Variants in KCNMB2 observed in about 807,000 individuals in gnomAD.
The protein encoded by KCNMB2 is potassium calcium-activated channel subfamily M regulatory beta subunit 2.
Under a neutral mutation model 24.5 loss-of-function variants are expected in KCNMB2, and 9 were observed. That is an observed-to-expected ratio of 0.37 (90% CI 0.22 to 0.64). The LOEUF (loss-of-function observed/expected upper bound fraction) is 0.64. Ranked by LOEUF, KCNMB2 falls within the 30% of genes least tolerant of loss-of-function variation. KCNMB2 has a pLI of 0.63. For synonymous variants in KCNMB2, 109 were observed against 104.4 expected, an observed-to-expected ratio of 1.04 and a Z score of -0.27; for missense variants, 226 against 284.3, an observed-to-expected ratio of 0.79 and a Z score of 1.47.
At chr3:178,713,509 C>T (rs1722519320) in intron 1 of KCNMB2, among the ~76,000 whole-genome samples, 1 of 152,210 alleles carries the variant, frequency 6.6e-6, no homozygotes, top group Non-Finnish European at 1.5e-5. Flanking sequence ...TAGATCTGGT[C>T]CAACAAATCT....
chr3:178,672,122 G>A (rs1720920713), intron 1 of KCNMB2, among the ~76,000 whole-genome samples: 1 of 152,116 alleles, frequency 6.6e-6, no homozygotes, highest in African/African-American at 2.4e-5. Flanking sequence ...GTGGAAGTCT[G>A]GCACCCTGGA....
rs111311634 is a variant in KCNMB2 at position 178,580,921 on chromosome 3, T to C, written c.-68+44210T>C. Among the ~76,000 whole-genome samples, 436 of 152,244 alleles carry C rather than the reference T, an allele frequency of 2.9e-3. 1 individual carries two copies. The highest frequency in any genetic ancestry group is 9.7e-3 in the African/African-American group (404 of 41,532). On this transcript the variant is annotated intron_variant, in intron 1 of 4. Coordinates refer to ENST00000452583, the MANE Select transcript of KCNMB2 (RefSeq NM_181361.3). ...TGCTCATGGATAGGAAGAATCAATA[T>C]AGTTAAAATGGCCATAATGCCCAAA...
At chr3:178,665,916 G>A (rs1309736541) in intron 1 of KCNMB2, among the ~76,000 whole-genome samples, 1 of 152,168 alleles carries the variant, frequency 6.6e-6, no homozygotes, top group East Asian at 1.9e-4. Flanking sequence ...CCTGCCAAGT[G>A]GGGTTGTCCA....
At chr3:178,560,648 T>C (rs190687496) in intron 1 of KCNMB2, among the ~76,000 whole-genome samples, 1 of 152,380 alleles carries the variant, frequency 6.6e-6, no homozygotes, top group East Asian at 1.9e-4. Flanking sequence ...GGCTTTGCTC[T>C]ACACTGTTCT....
intron 1 of KCNMB2, among the ~76,000 whole-genome samples, chr3:178,597,362 G>C (rs1373446834): frequency 6.6e-6 from 1 of 152,042 alleles, no homozygotes; most frequent in African/African-American, 2.4e-5. Flanking sequence ...GTTTATTTCG[G>C]ATATCATCAT....
At chr3:178,768,886 C>T (rs1216285956) in intron 1 of KCNMB2, among the ~76,000 whole-genome samples, 2 of 152,216 alleles carry the variant, frequency 1.3e-5, no homozygotes, top group Admixed American at 1.3e-4. Context: ...CTAATTTTCA[C>T]ATTTTTCCTT....
chr3:178,652,708 G>A (rs1393589161), intron 1 of KCNMB2, among the ~76,000 whole-genome samples: 1 of 148,032 alleles, frequency 6.8e-6, no homozygotes, highest in East Asian at 2.0e-4. Context: ...TGTCGCCCAG[G>A]CTGGAGTGCA....
At chr3:178,604,116 C>T (rs548683212) in intron 1 of KCNMB2, among the ~76,000 whole-genome samples, 2 of 152,220 alleles carry the variant, frequency 1.3e-5, no homozygotes, top group African/African-American at 2.4e-5. Flanking sequence ...GTCCTCATTC[C>T]CTGCCCACCT....
intron 1 of KCNMB2, among the ~76,000 whole-genome samples, chr3:178,695,636 C>T (rs1328698207): frequency 6.6e-6 from 1 of 152,200 alleles, no homozygotes; most frequent in Non-Finnish European, 1.5e-5. Context: ...TACCAAGATT[C>T]ACCTTTATTC....
At chr3:178,594,012 AT>A (rs780308220) in intron 1 of KCNMB2, among the ~76,000 whole-genome samples, 4 of 151,264 alleles carry the variant, frequency 2.6e-5, no homozygotes, top group Non-Finnish European at 5.9e-5. Context: ...TGAAAATGCT[AT>A]TTTGTTCTTC....
At chr3:178,809,546 C>A (rs1347880791) in intron 2 of KCNMB2, among the ~76,000 whole-genome samples, 1 of 152,156 alleles carries the variant, frequency 6.6e-6, no homozygotes, top group East Asian at 1.9e-4. Flanking sequence ...AGGATTTGAA[C>A]CCAGCTGATG....
chr3:178,832,539 C>T lies in KCNMB2; in HGVS notation c.423+4166C>T, dbSNP rs1483616176. Among the ~76,000 whole-genome samples the T allele has an allele frequency of 4.9e-5, 4 of 81,102 alleles. 2 individuals are homozygous for T. The highest frequency in any genetic ancestry group is 9.2e-5 in the Non-Finnish European group (4 of 43,536). The allele number at this position is 81,102 out of a possible 152,430, so 53.2% of individuals were successfully genotyped here. ...TGTCTGTAGTCATTCTCTGCCTCTTCACCTCTGGGACTCCAGTTGGCCACA... is the reference window on the plus strand; with the variant it reads ...TGTCTGTAGTCATTCTCTGCCTCTTTACCTCTGGGACTCCAGTTGGCCACA... On this transcript the variant is annotated intron_variant, in intron 4 of 4. Transcript: ENST00000452583.
chr3:178,716,831 G>A (rs1288618652), intron 1 of KCNMB2, among the ~76,000 whole-genome samples: 1 of 152,098 alleles, frequency 6.6e-6, no homozygotes, highest in Non-Finnish European at 1.5e-5. Context: ...GGAGGAACGG[G>A]TCCCTGGACC....
intron 1 of KCNMB2, among the ~76,000 whole-genome samples, chr3:178,758,931 GAT>G (rs1344817097): frequency 1.6e-3 from 5 of 3,172 alleles, no homozygotes; most frequent in Non-Finnish European, 2.4e-3. Context: ...CTCCAAGAGG[GAT>G]ATATATATAT....
chr3:178,732,623 C>T (rs1050778095), intron 1 of KCNMB2, among the ~76,000 whole-genome samples: 2 of 152,150 alleles, frequency 1.3e-5, no homozygotes, highest in African/African-American at 2.4e-5. Context: ...ATGGAGAAAA[C>T]ACATGTGTTA....
chr3:178,722,787 G>C (rs1455059292), intron 1 of KCNMB2, among the ~76,000 whole-genome samples: 1 of 152,166 alleles, frequency 6.6e-6, no homozygotes, highest in African/African-American at 2.4e-5. Context: ...CAGTTACTCA[G>C]CAGGCTGAGG....
chr3:178,721,263 T>A (rs1453758866), intron 1 of KCNMB2, among the ~76,000 whole-genome samples: 1 of 152,228 alleles, frequency 6.6e-6, no homozygotes, highest in African/African-American at 2.4e-5. Context: ...TTTCTCAGAT[T>A]TGTCAAAGAT....
rs1715421029 is a variant in KCNMB2, at chr3:178,536,629, G to A, written c.-150G>A. 1 of 152,214 alleles carries A rather than the reference G, an allele frequency of 6.6e-6. No individual in the cohort carries two copies. The allele number at this position is 152,214 out of a possible 1,614,324, so 9.4% of individuals were successfully genotyped here. A position where few individuals can be genotyped will look rare whatever the true frequency, so the allele number is the denominator to read the frequency against. On this transcript the variant is annotated 5_prime_UTR_variant, in exon 1 of 5. Coordinates refer to ENST00000452583, the MANE Select transcript of KCNMB2 (RefSeq NM_181361.3). ...GGCACAAGAGGTAATGATGATTACC[G>A]GTGGCTATTTGGAGGACTGCACCGG...
chr3:178,635,057 C>T (rs1719467384), intron 1 of KCNMB2, among the ~76,000 whole-genome samples: 1 of 152,108 alleles, frequency 6.6e-6, no homozygotes, highest in Non-Finnish European at 1.5e-5. Context: ...TCATGTATGA[C>T]TTTTCAGCCT....
Sources: gnomAD v4.1 joint callset for allele counts (sites outside exome capture counted in the v4.1 genomes callset) on GRCh38, gnomAD v4.1.1 for gene constraint, MANE v1.5 for transcripts, NCBI Gene and HGNC (gene_info 2026-07-23, HGNC 2026-07-21) for gene names.